The following MARK2 variants were observed in gnomAD, a reference collection of about 807,000 sequenced individuals.
MARK2 encodes the protein microtubule affinity regulating kinase 2.
In MARK2, 16 loss-of-function variants were observed where a neutral mutation model predicts 89.8. That is an observed-to-expected ratio of 0.18 (90% CI 0.12 to 0.27). The LOEUF (loss-of-function observed/expected upper bound fraction) is 0.27, where lower values mean the gene tolerates loss of function less well. Among genes scored for constraint, MARK2 ranks in the 10% least tolerant of loss-of-function variants. The pLI, the probability that MARK2 is intolerant of heterozygous loss-of-function variation, is 1.00. For synonymous variants in MARK2, 382 were observed against 399.5 expected, an observed-to-expected ratio of 0.96 and a Z score of 0.52; for missense variants, 621 against 1,049.9, an observed-to-expected ratio of 0.59 and a Z score of 5.65.
At chr11:63,851,286 G>T (rs1737692488) in intron 1 of MARK2, among the ~76,000 whole-genome samples, 1 of 152,116 alleles carries the variant, frequency 6.6e-6, no homozygotes, top group South Asian at 2.1e-4. Context: ...TGAAGCTGTG[G>T]CTGGGGGAAG....
chr11:63,870,199 C>T (rs1051145901), intron 1 of MARK2, among the ~76,000 whole-genome samples: 1 of 152,146 alleles, frequency 6.6e-6, no homozygotes, highest in African/African-American at 2.4e-5. Context: ...GAGACTATGC[C>T]CATAGAGGTG....
intron 1 of MARK2, among the ~76,000 whole-genome samples, chr11:63,878,025 C>T (rs1054196612): frequency 2.6e-5 from 4 of 152,326 alleles, no homozygotes; most frequent in Admixed American, 1.3e-4. Flanking sequence ...GTTCTCAGTG[C>T]AGGGTTGAGA....
At chr11:63,876,935 CAT>C (rs1378122159) in intron 1 of MARK2, among the ~76,000 whole-genome samples, 1 of 152,018 alleles carries the variant, frequency 6.6e-6, no homozygotes, top group Non-Finnish European at 1.5e-5. Flanking sequence ...TGAAGAGTGC[CAT>C]TCCCAGGTTC....
chr11:63,898,887 G>A (rs1940636420), intron 6 of MARK2, 54 bp downstream of exon 6: 1 of 1,509,188 alleles, frequency 6.6e-7, no homozygotes, highest in Non-Finnish European at 9.2e-7. Flanking sequence ...TTTGGGGTTT[G>A]ACATGTAAGG....
At chr11:63,898,534 C>A in intron 4 of MARK2, 74 bp from the exon 5 acceptor site, 2 of 1,193,166 alleles carry the variant, frequency 1.7e-6, no homozygotes, top group Non-Finnish European at 2.5e-6. Flanking sequence ...TCCTAGGATG[C>A]TCCTGGACAT....
chr11:63,904,627 A>G lies in MARK2; in HGVS notation c.1677-159A>G, dbSNP rs982975297. 6.6e-6 allele frequency among the ~76,000 whole-genome samples: 1 copy of G among 151,144 alleles called. No individual in the cohort carries two copies. The highest frequency in any genetic ancestry group is 1.5e-5 in the Non-Finnish European group (1 of 67,700). On this transcript the variant is annotated intron_variant, in intron 15 of 18. Transcript: ENST00000402010. This position sits in a 1 kb window ranked among gnomAD's most constrained non-coding sequence, Gnocchi z 6.3. ...ACTTCCACGAGACTTCCTTCTCACC[A>G]CTGTCCTCAGTAGTCACACCCTTCC... is the stretch of plus-strand genomic sequence containing the variant.
chr11:63,902,737 C>G lies in MARK2; in HGVS notation c.1371C>G (p.Pro457=). The G allele has an allele frequency of 6.2e-7, 1 of 1,613,794 alleles. No homozygotes were observed. The highest frequency in any genetic ancestry group is 8.5e-7 in the Non-Finnish European group (1 of 1,179,978). The part of the protein sequence containing the change: ...ASSTAKVPAS[P]LPGLERKKTT... ...GCACAGCCAAGGTGCCTGCCAGCCC[C>G]CTGCCCGGTCTGGAGAGGAAGAAGA... The change falls in exon 13 of 19, where the codon CCC becomes CCG. Residue 457 remains proline, a synonymous_variant. Coordinates refer to ENST00000402010, the MANE Select transcript of MARK2 (RefSeq NM_001039469.3). This position sits in a 1 kb window ranked among gnomAD's most constrained non-coding sequence, Gnocchi z 4.2.
rs765770831 is a variant in MARK2, at chr11:63,908,864, G to T, written c.2007-13G>T. On this transcript the variant is annotated splice_polypyrimidine_tract_variant and intron_variant, in intron 18 of 18. Transcript: ENST00000402010. ...CAGCCCCCCCGTGACGCCCGCCTCT[G>T]CCCTCTCCACAGACCTCACGTGGTG... 1.4e-6 allele frequency: 2 copies of T among 1,473,792 alleles called. No individual in the cohort carries two copies. The highest frequency in any genetic ancestry group is 4.7e-5 in the Admixed American group (2 of 42,174). 91.3% of individuals were successfully genotyped at this position (1,473,792 alleles called of 1,614,324 possible). A position where few individuals can be genotyped will look rare whatever the true frequency, so the allele number is the denominator to read the frequency against.
chr11:63,851,889 T>C (rs1344944428), intron 1 of MARK2, among the ~76,000 whole-genome samples: 4 of 152,206 alleles, frequency 2.6e-5, no homozygotes, highest in Non-Finnish European at 5.9e-5. Flanking sequence ...GGCTGTTGCC[T>C]CTAACCCATC....
intron 18 of MARK2, 79 bp downstream of exon 18, chr11:63,908,383 C>A: frequency 8.2e-7 from 1 of 1,214,876 alleles, no homozygotes; most frequent in Non-Finnish European, 1.2e-6. Context: ...CTTCCTTCTG[C>A]CACTTGGCTC....
At chr11:63,840,454 A>G (rs935827609) in intron 1 of MARK2, among the ~76,000 whole-genome samples, 1 of 152,078 alleles carries the variant, frequency 6.6e-6, no homozygotes, top group Non-Finnish European at 1.5e-5. Flanking sequence ...ACCCAAAGAC[A>G]CTTGGCCCCA....
chr11:63,871,244 C>A (rs1393078595), intron 1 of MARK2, among the ~76,000 whole-genome samples: 2 of 152,216 alleles, frequency 1.3e-5, no homozygotes, highest in Non-Finnish European at 2.9e-5. Context: ...GTGCTCCCCC[C>A]ACCGCCATGT....
At chr11:63,905,725 T>G (rs1941270938) in intron 16 of MARK2, among the ~76,000 whole-genome samples, 1 of 152,248 alleles carries the variant, frequency 6.6e-6, no homozygotes, top group South Asian at 2.1e-4. Flanking sequence ...CTGGCTGGCC[T>G]CCTGGGATGC....
At chr11:63,878,562 G>A (rs1938913451) in intron 1 of MARK2, among the ~76,000 whole-genome samples, 2 of 151,730 alleles carry the variant, frequency 1.3e-5, no homozygotes, top group South Asian at 4.2e-4. Flanking sequence ...GTAGAGACAG[G>A]ATTTCACCGT....
At position 63,904,058 on chromosome 11, in the gene MARK2, G is replaced by A; in HGVS notation, c.1587G>A (p.Gln529=). The A allele has an allele frequency of 6.2e-7, 1 of 1,608,584 alleles. No homozygotes were observed. The highest frequency in any genetic ancestry group is 8.5e-7 in the Non-Finnish European group (1 of 1,179,702). Residue 529 remains glutamine, a synonymous_variant, in exon 15 of 19, where the codon CAG becomes CAA. Transcript: ENST00000402010. The surrounding 1 kb of genome is among the most constrained non-coding windows in gnomAD (Gnocchi z 6.3). The part of the protein sequence containing the change: ...SAAVSAARPR[Q]HQKSMSASVH... ...CAGTCTCTGCGGCCCGGCCCCGCCA[G>A]CACCAGAAATCCATGTCGGCCTCCG...
At chr11:63,897,107 A>G (rs554833894) in intron 3 of MARK2, among the ~76,000 whole-genome samples, 241 of 152,326 alleles carry the variant, frequency 1.6e-3, no homozygotes, top group African/African-American at 5.5e-3. Flanking sequence ...TAGCCCCCTC[A>G]GGGGTCTAGA....
chr11:63,876,576 C>T (rs958333), intron 1 of MARK2, among the ~76,000 whole-genome samples: 8,343 of 152,206 alleles, frequency 0.055, 324 homozygotes, highest in South Asian at 0.22. Context: ...CTCTGGCCAC[C>T]CAGCTAAATT....
intron 1 of MARK2, among the ~76,000 whole-genome samples, chr11:63,863,508 A>G (rs903430169): frequency 8.2e-6 from 1 of 121,614 alleles, no homozygotes; most frequent in Non-Finnish European, 1.6e-5. Flanking sequence ...TCTGCCACCC[A>G]GGCTGGAGTG....
intron 1 of MARK2, among the ~76,000 whole-genome samples, chr11:63,840,014 C>T (rs1364372213): frequency 2.6e-5 from 4 of 152,194 alleles, no homozygotes; most frequent in Admixed American, 6.5e-5. Context: ...TTCTGCCAGT[C>T]TCTGGGTTAT....
Sources: gnomAD v4.1 joint callset for allele counts (sites outside exome capture counted in the v4.1 genomes callset) on GRCh38, gnomAD v4.1.1 for gene constraint, Gnocchi (gnomAD v3.1) non-coding constraint, MANE v1.5 for transcripts, NCBI Gene and HGNC (gene_info 2026-07-23, HGNC 2026-07-21) for gene names.